CMIP: variants seen among roughly 807,000 people sequenced by gnomAD.
CMIP encodes C-Maf-inducing protein.
A neutral mutation model predicts 97.3 loss-of-function variants in CMIP; 13 were observed. That is an observed-to-expected ratio of 0.13 (90% confidence interval 0.09 to 0.21). CMIP has a LOEUF of 0.21. Among genes scored for constraint, CMIP ranks in the 10% least tolerant of loss-of-function variants. The pLI, the probability that CMIP is intolerant of heterozygous loss-of-function variation, is 1.00. For synonymous variants in CMIP, 538 were observed against 436.3 expected (o/e 1.23, Z -2.91); for missense variants, 847 against 1,024.9 (o/e 0.83, Z 2.37).
intron 1 of CMIP, among the ~76,000 whole-genome samples, chr16:81,538,707 T>C (rs1411768902): frequency 6.6e-6 from 1 of 152,168 alleles, no homozygotes; most frequent in Non-Finnish European, 1.5e-5. Flanking sequence ...CTGAAGAATG[T>C]GTCAGGATAT....
Position 81,642,032 on chromosome 16 carries a change from G to T in CMIP, c.478-10171G>T, listed in dbSNP as rs184542846. 5.3e-5 allele frequency among the ~76,000 whole-genome samples: 8 copies of T among 152,352 alleles called. No individual in the cohort carries two copies. In the East Asian group the frequency reaches 5.8e-4, roughly 11 times the overall value. On this transcript the variant is annotated intron_variant, in intron 3 of 20. Coordinates refer to ENST00000537098, the MANE Select transcript of CMIP (RefSeq NM_198390.3). ...ACCACTCACCTCATTTAGTGGATGGGATGATTTAAAATGTATTTATACAAA... is the reference window on the plus strand; with the variant it reads ...ACCACTCACCTCATTTAGTGGATGGTATGATTTAAAATGTATTTATACAAA...
intron 3 of CMIP, among the ~76,000 whole-genome samples, chr16:81,629,451 C>A (rs1261582937): frequency 1.3e-5 from 2 of 152,212 alleles, no homozygotes; most frequent in Non-Finnish European, 2.9e-5. Context: ...TGGGCCTGTC[C>A]CCTCTAGCCC....
intron 1 of CMIP, among the ~76,000 whole-genome samples, chr16:81,540,111 G>A (rs1347454762): frequency 6.6e-6 from 1 of 152,222 alleles, no homozygotes; most frequent in Admixed American, 6.5e-5. Context: ...TTGTGAATTT[G>A]TCAGACGTGG....
chr16:81,550,894 C>A (rs1028566510), intron 1 of CMIP, among the ~76,000 whole-genome samples: 3 of 151,234 alleles, frequency 2.0e-5, no homozygotes, highest in Admixed American at 6.6e-5. Context: ...TCACACACAC[C>A]CCAGTTCCGT....
rs1007727549 is a variant in CMIP at position 81,710,177 on chromosome 16, G to A, written c.*378G>A. The stretch of plus-strand genomic sequence containing the variant: ...AAGTCAACTCCGATGCCACCATTGC[G>A]GGCCGGACGAAGGATGCTTTCTTCC... On this transcript the variant is annotated 3_prime_UTR_variant, in exon 21 of 21. Transcript: ENST00000537098. 1.5e-4 allele frequency: 40 copies of A among 273,176 alleles called. No individual in the cohort carries two copies. The highest frequency in any genetic ancestry group is 2.2e-4 in the Non-Finnish European group (31 of 140,482). The allele number at this position is 273,176 out of a possible 1,614,324, so 16.9% of individuals were successfully genotyped here.
At chr16:81,552,331 G>A (rs1038099402) in intron 1 of CMIP, among the ~76,000 whole-genome samples, 16 of 152,176 alleles carry the variant, frequency 1.1e-4, no homozygotes, top group African/African-American at 3.9e-4. Flanking sequence ...TGTGGCCTCT[G>A]TGACATGTTC....
intron 1 of CMIP, among the ~76,000 whole-genome samples, chr16:81,505,849 G>T (rs970935535): frequency 1.4e-4 from 22 of 152,208 alleles, no homozygotes; most frequent in African/African-American, 5.3e-4. Context: ...CAAAAAATCA[G>T]CCGGGCGTGG....
intron 1 of CMIP, among the ~76,000 whole-genome samples, chr16:81,603,668 C>G (rs1326104761): frequency 6.6e-6 from 1 of 152,160 alleles, no homozygotes; most frequent in Non-Finnish European, 1.5e-5. Flanking sequence ...CAAAACTTCC[C>G]TTGGCTGGGA....
intron 1 of CMIP, chr16:81,606,865 G>A (rs1346523575): frequency 6.5e-6 from 1 of 154,974 alleles, no homozygotes; most frequent in Non-Finnish European, 1.5e-5. Flanking sequence ...GATGAGACCT[G>A]GAGAGTAGAA....
chr16:81,463,591 G>A (rs1019910360), intron 1 of CMIP, among the ~76,000 whole-genome samples: 78 of 152,332 alleles, frequency 5.1e-4, no homozygotes, highest in African/African-American at 1.7e-3. Flanking sequence ...TGCCCAGCTG[G>A]GTACCGATTG....
intron 9 of CMIP, among the ~76,000 whole-genome samples, chr16:81,675,609 G>T (rs1250727354): frequency 6.6e-6 from 1 of 152,056 alleles, no homozygotes; most frequent in Non-Finnish European, 1.5e-5. Flanking sequence ...ACATTTCTGG[G>T]GTATGGCCCA....
intron 6 of CMIP, 99 bp from the exon 7 acceptor site, chr16:81,664,170 C>T (rs967712420): frequency 1.7e-6 from 2 of 1,144,886 alleles, no homozygotes; most frequent in Admixed American, 2.7e-5. Context: ...AACCCAGGCA[C>T]CCACAGCTGG....
At chr16:81,708,451 A>G (rs1232530945) in intron 20 of CMIP, among the ~76,000 whole-genome samples, 1 of 152,222 alleles carries the variant, frequency 6.6e-6, no homozygotes, top group East Asian at 1.9e-4. Flanking sequence ...TGTGAGACCA[A>G]GCTGGAAAGA....
At chr16:81,611,841 C>T (rs1211362912) in intron 2 of CMIP, among the ~76,000 whole-genome samples, 2 of 152,242 alleles carry the variant, frequency 1.3e-5, no homozygotes, top group African/African-American at 4.8e-5. Context: ...TCAAGGAAGG[C>T]AGAGAGGACA....
intron 1 of CMIP, among the ~76,000 whole-genome samples, chr16:81,577,182 C>T (rs1195090656): frequency 2.1e-5 from 3 of 139,740 alleles, no homozygotes; most frequent in Admixed American, 6.9e-5. Context: ...ATCACTATCA[C>T]CATCACCATC....
intron 2 of CMIP, among the ~76,000 whole-genome samples, chr16:81,612,571 C>G (rs1452468908): frequency 6.6e-6 from 1 of 152,196 alleles, no homozygotes; most frequent in Non-Finnish European, 1.5e-5. Flanking sequence ...GGAAGGGGAG[C>G]TTGGAAAAGG....
At chr16:81,526,347 C>T (rs145155058) in intron 1 of CMIP, among the ~76,000 whole-genome samples, 5 of 152,276 alleles carry the variant, frequency 3.3e-5, no homozygotes, top group Admixed American at 2.0e-4. Context: ...GTTTCCATGA[C>T]GGCTGTAGGC....
In CMIP at chr16:81,616,403, C is replaced by G. The variant is rs2091918805; in HGVS notation, c.427-4473C>G. Among the ~76,000 whole-genome samples, 1 of 152,158 alleles carries G rather than the reference C, an allele frequency of 6.6e-6. No individual in the cohort carries two copies. On this transcript the variant is annotated intron_variant, in intron 2 of 20. Transcript: ENST00000537098. The surrounding 1 kb of genome is among the most constrained non-coding windows in gnomAD (Gnocchi z 4.7). The stretch of plus-strand genomic sequence containing the variant: ...GTGCAGAGGCACCCCACTGCCTGCT[C>G]CGAGCCTCAGCTTCCTCATCTGTAA...
chr16:81,508,719 G>C (rs1424968710), intron 1 of CMIP, among the ~76,000 whole-genome samples: 1 of 152,232 alleles, frequency 6.6e-6, no homozygotes, highest in Non-Finnish European at 1.5e-5. Context: ...GTCTGAGAGG[G>C]TGCTCCGTGA....
Sources: allele counts gnomAD v4.1 joint callset (sites outside exome capture counted in the v4.1 genomes callset), GRCh38; gene constraint gnomAD v4.1.1; non-coding constraint Gnocchi (gnomAD v3.1); transcripts MANE v1.5; gene names NCBI Gene and HGNC (gene_info 2026-07-23, HGNC 2026-07-21).